SLC33A1: variants seen among roughly 807,000 people sequenced by gnomAD.
SLC33A1 encodes the protein acetyl-coenzyme A transporter 1.
SLC33A1 carries 20 observed loss-of-function variants against 50.0 expected under a neutral mutation model. That is an observed-to-expected ratio of 0.40 (90% CI 0.28 to 0.58). The LOEUF is 0.58. Among genes scored for constraint, SLC33A1 ranks in the 20% least tolerant of loss-of-function variants. The pLI, the probability that SLC33A1 is intolerant of heterozygous loss-of-function variation, is 0.44. For synonymous variants in SLC33A1, 265 were observed against 251.8 expected, an observed-to-expected ratio of 1.05 and a Z score of -0.50; for missense variants, 476 against 657.0, an observed-to-expected ratio of 0.72 and a Z score of 3.01.
At chr3:155,834,607 GAATTA>G (rs1445258201) in intron 2 of SLC33A1, among the ~76,000 whole-genome samples, 2 of 152,074 alleles carry the variant, frequency 1.3e-5, no homozygotes, top group Non-Finnish European at 1.5e-5. Flanking sequence ...AAAAGAGTAA[GAATTA>G]AATTAAGATT....
chr3:155,852,962 G>A, intron 1 of SLC33A1: 2 of 537,484 alleles, frequency 3.7e-6, no homozygotes, highest in South Asian at 4.4e-5. Context: ...TATTAAGCAA[G>A]TGGCATGAAT....
intron 4 of SLC33A1, among the ~76,000 whole-genome samples, chr3:155,831,397 A>C (rs891065857): frequency 1.1e-4 from 15 of 140,664 alleles, no homozygotes; most frequent in Non-Finnish European, 1.8e-4. Flanking sequence ...TGGAGGTATC[A>C]CAGTGAGCCG....
At chr3:155,841,645 C>T (rs1752941726) in intron 2 of SLC33A1, among the ~76,000 whole-genome samples, 3 of 151,966 alleles carry the variant, frequency 2.0e-5, no homozygotes, top group Non-Finnish European at 2.9e-5. Flanking sequence ...CAGTAATCCC[C>T]GTTTCTCGTA....
At chr3:155,833,359 A>T in intron 4 of SLC33A1, 109 bp downstream of exon 4, 1 of 769,866 alleles carries the variant, frequency 1.3e-6, no homozygotes, top group Non-Finnish European at 2.4e-6. Context: ...CTTCAGTGTC[A>T]GATTCATGCT....
At chr3:155,843,443 C>G (rs942296751) in intron 1 of SLC33A1, among the ~76,000 whole-genome samples, 1 of 152,086 alleles carries the variant, frequency 6.6e-6, no homozygotes, top group African/African-American at 2.4e-5. Context: ...TGCTCACACT[C>G]GTAGGTGCAG....
At chr3:155,835,728 A>G (rs2109316544) in intron 2 of SLC33A1, among the ~76,000 whole-genome samples, 1 of 152,234 alleles carries the variant, frequency 6.6e-6, no homozygotes, top group Non-Finnish European at 1.5e-5. Context: ...CCGGTTTTTC[A>G]TGCCCTATTT....
intron 5 of SLC33A1, 70 bp downstream of exon 5, chr3:155,829,618 C>T: frequency 9.0e-7 from 1 of 1,114,686 alleles, no homozygotes; most frequent in East Asian, 2.5e-5. Context: ...TATAGTACTT[C>T]TAGAGACAAA....
rs1192290724 is a variant in SLC33A1, at chr3:155,844,445, ATATATATATATATTTTTTTTTTT to A, written c.776-1849_776-1827del. ...TAAAGGTATATATATATATATATAT[ATATATATATATATTTTTTTTTTT>A]TTTTTTTTTTTTTTTTTTGAGACGG... On this transcript the variant is annotated intron_variant, in intron 1 of 5. Transcript: ENST00000643144. 9.7e-4 allele frequency among the ~76,000 whole-genome samples: 12 copies of A among 12,376 alleles called. No homozygotes were observed. In the South Asian group the frequency reaches 0.019, roughly 19 times the overall value. 8.1% of individuals were successfully genotyped at this position (12,376 alleles called of 152,430 possible).
Position 155,828,772 on chromosome 3 carries a change from T to G in SLC33A1, c.1483-395A>C, listed in dbSNP as rs1043366061. On this transcript the variant is annotated intron_variant, in intron 5 of 5. Coordinates refer to ENST00000643144, the MANE Select transcript of SLC33A1 (RefSeq NM_004733.4). ...GCCCCATTAATTTCTACATTTTTTGTAGAGATGGTGCTTCACCATGTGGCC... is the reference window on the plus strand; with the variant it reads ...GCCCCATTAATTTCTACATTTTTTGGAGAGATGGTGCTTCACCATGTGGCC... 8.7e-4 allele frequency among the ~76,000 whole-genome samples: 132 copies of G among 152,178 alleles called. 1 individual carries two copies. Among genetic ancestry groups the G allele is most frequent in the African/African-American group, 3.1e-3 (128 of 41,532 alleles).
intron 2 of SLC33A1, among the ~76,000 whole-genome samples, chr3:155,834,401 G>A (rs915461358): frequency 2.6e-5 from 4 of 152,166 alleles, no homozygotes; most frequent in African/African-American, 9.6e-5. Flanking sequence ...GCCTTTAATT[G>A]ACCCAAATCA....
rs11424130 is a variant in SLC33A1 at position 155,822,577 on chromosome 3, CAAAAAAA to C, written c.*5626_*5632del. The C allele has an allele frequency of 8.1e-6, 1 of 123,600 alleles. No homozygotes were observed. The highest frequency in any genetic ancestry group is 2.7e-4 in the South Asian group (1 of 3,674). 7.7% of individuals were successfully genotyped at this position (123,600 alleles called of 1,614,324 possible). ...TGGGCGACAGAGCAAGACTCCATCTCAAAAAAAAAAAAAAAAAGAAATTTAAGATAAC... is the reference window on the plus strand; with the variant it reads ...TGGGCGACAGAGCAAGACTCCATCTCAAAAAAAAAAGAAATTTAAGATAAC... On this transcript the variant is annotated 3_prime_UTR_variant, in exon 6 of 6. Transcript: ENST00000643144.
Position 155,853,757 on chromosome 3 carries a change from GAA to G in SLC33A1, c.239_240del (p.Phe80SerfsTer25). 6.2e-7 allele frequency: 1 copy of G among 1,614,028 alleles called. No homozygotes were observed. Among genetic ancestry groups the G allele is most frequent in the Non-Finnish European group, 8.5e-7 (1 of 1,180,022 alleles). ...AELSSILLLL[F>X]LYVLQGIPLG... ...AGGGGAATACCCTGAAGCACGTAAA[GAA>G]AGAGTAGTAGCAAAATGCTGCTTAG... On this transcript the variant is annotated frameshift_variant, in exon 1 of 6. Transcript: ENST00000643144. LOFTEE classifies it high-confidence loss of function.
chr3:155,833,710 G>C, intron 3 of SLC33A1, 125 bp from the exon 4 acceptor site: 1 of 939,144 alleles, frequency 1.1e-6, no homozygotes, highest in Admixed American at 1.9e-5. Context: ...AGGTTAAAAA[G>C]ATAAAAGTGC....
intron 1 of SLC33A1, among the ~76,000 whole-genome samples, chr3:155,844,075 T>C (rs905594738): frequency 2.0e-5 from 3 of 152,102 alleles, no homozygotes; most frequent in African/African-American, 7.2e-5. Flanking sequence ...TCAGTCAGGG[T>C]TTTTCCTTAG....
At chr3:155,840,782 C>G (rs893789629) in intron 2 of SLC33A1, among the ~76,000 whole-genome samples, 1 of 151,988 alleles carries the variant, frequency 6.6e-6, no homozygotes, top group Non-Finnish European at 1.5e-5. Flanking sequence ...CCATTGCACT[C>G]CAGCCTGGGC....
At position 155,826,848 on chromosome 3, in the gene SLC33A1, G is replaced by A. The variant is rs1207200340; in HGVS notation, c.*1362C>T. 1.3e-5 allele frequency: 2 copies of A among 152,100 alleles called. No homozygotes were observed. The highest frequency in any genetic ancestry group is 2.9e-5 in the Non-Finnish European group (2 of 68,018). The allele number at this position is 152,100 out of a possible 1,614,324, so 9.4% of individuals were successfully genotyped here. A position where few individuals can be genotyped will look rare whatever the true frequency, so the allele number is the denominator to read the frequency against. On this transcript the variant is annotated 3_prime_UTR_variant, in exon 6 of 6. Transcript: ENST00000643144. Reference sequence around the variant, plus strand: ...TGTTATAAAATTAACAAAATCAGGAGTTAGTACACATTTTTCCACAATGAT... The same window carrying A: ...TGTTATAAAATTAACAAAATCAGGAATTAGTACACATTTTTCCACAATGAT...
intron 1 of SLC33A1, among the ~76,000 whole-genome samples, chr3:155,852,850 A>G (rs3804768): frequency 0.027 from 4,135 of 152,316 alleles, 254 homozygotes; most frequent in Admixed American, 0.15. Flanking sequence ...CGGTAGGGGT[A>G]GAAATGGATT....
At position 155,853,963 on chromosome 3, in the gene SLC33A1, C is replaced by T; in HGVS notation, c.35G>A (p.Arg12Gln). ...ACTGAAATTCCCTGGCCGCCGTTGC[C>T]GGCTGCTGTCCTTGTGGGAGATGGT... ...SPTISHKDSS[R>Q]QRRPGNFSHS... The change falls in exon 1 of 6, where the codon CGG (arginine) becomes CAG (glutamine). Residue 12 changes from arginine (R) to glutamine (Q), a missense_variant. Physicochemically the swap from Arg to Gln is conservative, Grantham distance 43. Coordinates refer to ENST00000643144, the MANE Select transcript of SLC33A1 (RefSeq NM_004733.4). 4 of 1,542,302 alleles carry T rather than the reference C, an allele frequency of 2.6e-6. No homozygotes were observed. Among genetic ancestry groups the T allele is most frequent in the Non-Finnish European group, 2.6e-6 (3 of 1,149,804 alleles).
Position 155,833,605 on chromosome 3 carries a change from G to A in SLC33A1, c.1149-20C>T, listed in dbSNP as rs767290326. 7.3e-7 allele frequency: 1 copy of A among 1,363,250 alleles called. No homozygotes were observed. The highest frequency in any genetic ancestry group is 1.2e-5 in the South Asian group (1 of 86,014). 84.4% of individuals were successfully genotyped at this position (1,363,250 alleles called of 1,614,324 possible). ...AATAATCTATAGAGAAAGAAACATTGAGTTGACTTCCATTTTAGCTTAAAT... is the reference window on the plus strand; with the variant it reads ...AATAATCTATAGAGAAAGAAACATTAAGTTGACTTCCATTTTAGCTTAAAT... On this transcript the variant is annotated intron_variant, in intron 3 of 5. Coordinates refer to ENST00000643144, the MANE Select transcript of SLC33A1 (RefSeq NM_004733.4).
Sources: allele counts gnomAD v4.1 joint callset (sites outside exome capture counted in the v4.1 genomes callset), GRCh38; gene constraint gnomAD v4.1.1; transcripts MANE v1.5; gene names NCBI Gene and HGNC (gene_info 2026-07-23, HGNC 2026-07-21).